The following NALF1 variants were observed in gnomAD, a reference collection of about 807,000 sequenced individuals.
NALF1 encodes NALCN channel auxiliary factor 1.
Under a neutral mutation model 48.4 loss-of-function variants are expected in NALF1, and 3 were observed. The observed-to-expected ratio is 0.06, with a 90% CI of 0.03 to 0.16. The LOEUF is 0.16. Ranked by LOEUF, NALF1 falls within the 10% of genes least tolerant of loss-of-function variation. NALF1 has a pLI of 1.00. For missense variants in NALF1, 526 were observed against 571.5 expected, an observed-to-expected ratio of 0.92 and a Z score of 0.81; for synonymous variants, 262 against 245.7, an observed-to-expected ratio of 1.07 and a Z score of -0.62.
intron 1 of NALF1, among the ~76,000 whole-genome samples, chr13:107,367,635 G>A (rs774024437): frequency 1.8e-4 from 27 of 152,266 alleles, no homozygotes; most frequent in Admixed American, 3.9e-4. Flanking sequence ...AGGCTGCCCC[G>A]CAGATTTCCC....
intron 1 of NALF1, among the ~76,000 whole-genome samples, chr13:107,864,551 G>A (rs1260371190): frequency 6.6e-6 from 1 of 152,246 alleles, no homozygotes. Context: ...AGGAGAGAAA[G>A]AGAGAGAATG....
intron 1 of NALF1, among the ~76,000 whole-genome samples, chr13:107,644,184 A>G (rs1046511668): frequency 1.3e-5 from 2 of 152,130 alleles, no homozygotes; most frequent in Non-Finnish European, 1.5e-5. Flanking sequence ...TTAAAAATAC[A>G]TGTAACATTT....
intron 1 of NALF1, among the ~76,000 whole-genome samples, chr13:107,587,654 A>G (rs181894051): frequency 6.6e-6 from 1 of 152,268 alleles, no homozygotes; most frequent in South Asian, 2.1e-4. Context: ...AGGTGATTTT[A>G]AAAAAAGTCA....
At chr13:107,537,587 AC>A (rs1288118204) in intron 1 of NALF1, among the ~76,000 whole-genome samples, 1 of 152,138 alleles carries the variant, frequency 6.6e-6, no homozygotes, top group African/African-American at 2.4e-5. Flanking sequence ...GCCTTCAGGG[AC>A]CATCCAGACA....
chr13:107,278,689 T>C (rs1186520278), intron 1 of NALF1, among the ~76,000 whole-genome samples: 1 of 152,246 alleles, frequency 6.6e-6, no homozygotes, highest in African/African-American at 2.4e-5. Context: ...AAGCATTGTT[T>C]GTTTTTTTAA....
chr13:107,708,715 T>TGTTTTC (rs60393151), intron 1 of NALF1, among the ~76,000 whole-genome samples: 1 of 146,626 alleles, frequency 6.8e-6, no homozygotes. Context: ...CCTTTTCTCT[T>TGTTTTC]TATTTATTTT....
At chr13:107,788,057 C>T (rs1179610915) in intron 1 of NALF1, among the ~76,000 whole-genome samples, 1 of 152,196 alleles carries the variant, frequency 6.6e-6, no homozygotes, top group African/African-American at 2.4e-5. Context: ...CCAGCGGAGC[C>T]ACCATCTAGA....
intron 1 of NALF1, among the ~76,000 whole-genome samples, chr13:107,697,111 T>A (rs1301898599): frequency 6.6e-6 from 1 of 152,142 alleles, no homozygotes; most frequent in African/African-American, 2.4e-5. Context: ...AGAGAAAGTC[T>A]AAATAATGAT....
At chr13:107,675,724 C>G (rs1284245517) in intron 1 of NALF1, among the ~76,000 whole-genome samples, 2 of 152,154 alleles carry the variant, frequency 1.3e-5, no homozygotes, top group African/African-American at 4.8e-5. Context: ...GTTTTAAATA[C>G]TGGTATTAGC....
intron 1 of NALF1, among the ~76,000 whole-genome samples, chr13:107,231,058 C>CAAAAAAAAA (rs3072074): frequency 2.4e-5 from 2 of 83,574 alleles, no homozygotes; most frequent in African/African-American, 4.3e-5. Context: ...AAGACCCGGC[C>CAAAAAAAAA]AAAAAAAAAA....
chr13:107,214,813 T>G lies in NALF1; in HGVS notation c.916-4058A>C, dbSNP rs77717956. 6.6e-3 allele frequency among the ~76,000 whole-genome samples: 1,001 copies of G among 152,306 alleles called. 10 individuals carry two copies. The highest frequency in any genetic ancestry group is 0.023 in the African/African-American group (942 of 41,564). ...CATTTTTACTTAATACTTGAATCGATTTTTCTCTTTTTCCCCTGAAGCATT... is the reference window on the plus strand; with the variant it reads ...CATTTTTACTTAATACTTGAATCGAGTTTTCTCTTTTTCCCCTGAAGCATT... On this transcript the variant is annotated intron_variant, in intron 1 of 2. Transcript: ENST00000375915.
intron 1 of NALF1, among the ~76,000 whole-genome samples, chr13:107,360,394 T>A (rs1883040964): frequency 6.6e-6 from 1 of 152,206 alleles, no homozygotes. Context: ...CAAATCCATT[T>A]GAGGATAAAC....
intron 1 of NALF1, among the ~76,000 whole-genome samples, chr13:107,807,200 C>T (rs994244844): frequency 6.6e-6 from 1 of 152,034 alleles, no homozygotes; most frequent in East Asian, 1.9e-4. Context: ...TATTCAGCTT[C>T]GTAAAAGTTT....
chr13:107,548,722 C>T (rs1877205461), intron 1 of NALF1, among the ~76,000 whole-genome samples: 1 of 152,062 alleles, frequency 6.6e-6, no homozygotes. Flanking sequence ...ACAGGTAGCA[C>T]CAAGCGTGTT....
At chr13:107,277,436 C>G (rs149764609) in intron 1 of NALF1, among the ~76,000 whole-genome samples, 1 of 152,276 alleles carries the variant, frequency 6.6e-6, no homozygotes, top group East Asian at 1.9e-4. Flanking sequence ...CCTCTAAAAA[C>G]TCAACTACCC....
chr13:107,294,835 C>T (rs145048752), intron 1 of NALF1, among the ~76,000 whole-genome samples: 3 of 152,274 alleles, frequency 2.0e-5, no homozygotes, highest in Non-Finnish European at 2.9e-5. Context: ...GAGTAAAATA[C>T]GTACCTCACG....
chr13:107,506,158 T>A (rs1256691624), intron 1 of NALF1, among the ~76,000 whole-genome samples: 1 of 152,142 alleles, frequency 6.6e-6, no homozygotes, highest in Non-Finnish European at 1.5e-5. Flanking sequence ...ACTTCAGGAA[T>A]ATTTTTGTTG....
intron 1 of NALF1, among the ~76,000 whole-genome samples, chr13:107,342,868 C>G (rs909343204): frequency 3.3e-5 from 5 of 152,034 alleles, no homozygotes; most frequent in East Asian, 1.9e-4. Context: ...TCAAAGCTCC[C>G]AAATGTATGA....
intron 1 of NALF1, among the ~76,000 whole-genome samples, chr13:107,338,577 T>C (rs1170579221): frequency 6.6e-6 from 1 of 152,136 alleles, no homozygotes; most frequent in Non-Finnish European, 1.5e-5. Context: ...TGAATAATTG[T>C]TTTCCCATCT....
Sources: allele counts gnomAD v4.1 joint callset (sites outside exome capture counted in the v4.1 genomes callset), GRCh38; gene constraint gnomAD v4.1.1; transcripts MANE v1.5; gene names NCBI Gene and HGNC (gene_info 2026-07-23, HGNC 2026-07-21).